SLC44A1: variants seen among roughly 807,000 people sequenced by gnomAD.
SLC44A1 encodes solute carrier family 44 member 1.
SLC44A1 carries 26 observed loss-of-function variants against 79.3 expected under a neutral mutation model. The ratio of observed to expected loss-of-function variants is 0.33; its 90% CI spans 0.24 to 0.46. SLC44A1 has a LOEUF of 0.46. Ranked by LOEUF, SLC44A1 falls within the 20% of genes least tolerant of loss-of-function variation. SLC44A1 has a pLI of 1.00. For missense variants in SLC44A1, 688 were observed against 798.1 expected, an observed-to-expected ratio of 0.86 and a Z score of 1.66; for synonymous variants, 263 against 286.2, an observed-to-expected ratio of 0.92 and a Z score of 0.82.
chr9:105,356,436 T>A (rs1827626457), intron 6 of SLC44A1, 55 bp downstream of exon 6: 1 of 1,299,854 alleles, frequency 7.7e-7, no homozygotes, highest in Non-Finnish European at 1.1e-6. Flanking sequence ...GAAGACTGTT[T>A]TGTCTTTTAG....
At chr9:105,406,926 A>G (rs1829036594) in intron 15 of SLC44A1, among the ~76,000 whole-genome samples, 1 of 152,176 alleles carries the variant, frequency 6.6e-6, no homozygotes, top group Non-Finnish European at 1.5e-5. Context: ...ATAAAAATAT[A>G]GAAATGATAA....
rs945904509 is a variant in SLC44A1, at chr9:105,389,400, T to C, written c.*344T>C. ...TAACTTAGAGGAGATTTTAACTTTA[T>C]TTAAAAATAGGTAAAATTATTGTAC... On this transcript the variant is annotated 3_prime_UTR_variant, in exon 16 of 16. Transcript: ENST00000374720. 4 of 1,048,336 alleles carry C rather than the reference T, an allele frequency of 3.8e-6. No homozygotes were observed. Among genetic ancestry groups the C allele is most frequent in the Non-Finnish European group, 4.6e-6 (4 of 868,374 alleles). 64.9% of individuals were successfully genotyped at this position (1,048,336 alleles called of 1,614,324 possible).
intron 14 of SLC44A1, 60 bp downstream of exon 14, chr9:105,383,419 G>A: frequency 1.0e-6 from 1 of 957,680 alleles, no homozygotes. Flanking sequence ...AAAATATTTT[G>A]TAAAACATTC....
intron 1 of SLC44A1, among the ~76,000 whole-genome samples, chr9:105,283,704 T>G (rs1413955797): frequency 1.3e-5 from 2 of 152,238 alleles, no homozygotes; most frequent in Admixed American, 6.5e-5. Context: ...TGGTTATTTT[T>G]TAAAAATCCA....
At chr9:105,329,207 A>G (rs1051429088) in intron 3 of SLC44A1, among the ~76,000 whole-genome samples, 1 of 152,224 alleles carries the variant, frequency 6.6e-6, no homozygotes, top group Non-Finnish European at 1.5e-5. Context: ...TATAAATTGT[A>G]AATTGATATG....
At chr9:105,360,029 C>T (rs1189295397) in intron 7 of SLC44A1, among the ~76,000 whole-genome samples, 1 of 152,202 alleles carries the variant, frequency 6.6e-6, no homozygotes, top group African/African-American at 2.4e-5. Context: ...CATTTTTTCA[C>T]TGTGACCTAC....
chr9:105,267,333 G>A (rs922346163), intron 1 of SLC44A1, among the ~76,000 whole-genome samples: 7 of 152,046 alleles, frequency 4.6e-5, no homozygotes, highest in East Asian at 1.9e-4. Context: ...ATTTTTCAGC[G>A]ATGGGCCTTC....
intron 1 of SLC44A1, among the ~76,000 whole-genome samples, chr9:105,276,576 G>GTGTA (rs1830209234): frequency 9.7e-6 from 1 of 103,064 alleles, no homozygotes; most frequent in Non-Finnish European, 1.9e-5. Context: ...GTGTGTGTGT[G>GTGTA]TGTGTGTGTG....
At chr9:105,247,052 G>A (rs1376803181) in intron 1 of SLC44A1, among the ~76,000 whole-genome samples, 5 of 151,444 alleles carry the variant, frequency 3.3e-5, no homozygotes, top group Non-Finnish European at 1.5e-5. Context: ...GTGTTCAGTG[G>A]AGCATTGAGG....
In SLC44A1 at chr9:105,358,514, A is replaced by G; in HGVS notation, c.760+81A>G. 4.9e-6 allele frequency: 4 copies of G among 815,054 alleles called. No individual in the cohort carries two copies. The East Asian group carries it at 1.0e-4, about 21-fold the overall frequency. The allele number at this position is 815,054 out of a possible 1,614,324, so 50.5% of individuals were successfully genotyped here. A position where few individuals can be genotyped will look rare whatever the true frequency, so the allele number is the denominator to read the frequency against. On this transcript the variant is annotated intron_variant, in intron 7 of 15. Coordinates refer to ENST00000374720, the MANE Select transcript of SLC44A1 (RefSeq NM_080546.5). ...AATAGAAATATAAAGAAGAAAATAAATTATATTTTCACAAGCTATATCCTC... is the reference window on the plus strand; with the variant it reads ...AATAGAAATATAAAGAAGAAAATAAGTTATATTTTCACAAGCTATATCCTC...
At chr9:105,338,614 G>A (rs7871855) in intron 4 of SLC44A1, among the ~76,000 whole-genome samples, 14,846 of 152,052 alleles carry the variant, frequency 0.098, 1,846 homozygotes, top group African/African-American at 0.29. Flanking sequence ...AGGTATTGCT[G>A]TGTTGTCTAG....
intron 5 of SLC44A1, chr9:105,355,992 A>G: frequency 1.9e-6 from 1 of 537,688 alleles, no homozygotes; most frequent in Non-Finnish European, 3.3e-6. Context: ...CTGTTGGAAC[A>G]TGCACTCCAC....
chr9:105,319,392 G>A (rs985003611), intron 3 of SLC44A1, among the ~76,000 whole-genome samples: 1 of 152,126 alleles, frequency 6.6e-6, no homozygotes, highest in Admixed American at 6.6e-5. Context: ...TGGAGTACAC[G>A]GAGTCCGAGC....
At chr9:105,253,003 AT>A (rs1829625525) in intron 1 of SLC44A1, among the ~76,000 whole-genome samples, 1 of 152,204 alleles carries the variant, frequency 6.6e-6, no homozygotes, top group South Asian at 2.1e-4. Context: ...CTCCTTTGTA[AT>A]TGTATAATAT....
chr9:105,385,305 T>A, intron 14 of SLC44A1, 117 bp from the exon 15 acceptor site: 1 of 720,348 alleles, frequency 1.4e-6, no homozygotes, highest in Admixed American at 2.5e-5. Flanking sequence ...TATTGCTATG[T>A]TTTTAAGCCA....
chr9:105,406,016 C>A (rs1413744034), intron 15 of SLC44A1, among the ~76,000 whole-genome samples: 1 of 152,144 alleles, frequency 6.6e-6, no homozygotes, highest in African/African-American at 2.4e-5. Flanking sequence ...TTCTGGCTAA[C>A]CTTTCGATGC....
intron 3 of SLC44A1, among the ~76,000 whole-genome samples, chr9:105,330,243 A>C (rs182759514): frequency 6.6e-6 from 1 of 152,316 alleles, no homozygotes; most frequent in Non-Finnish European, 1.5e-5. Flanking sequence ...AGAAGATTGC[A>C]CTGATTTAAT....
chr9:105,394,933 A>G lies in SLC44A1; in HGVS notation c.*5877A>G. The G allele has an allele frequency of 1.0e-6, 1 of 985,384 alleles. No individual in the cohort carries two copies. The highest frequency in any genetic ancestry group is 4.7e-5 in the South Asian group (1 of 21,272). The allele number at this position is 985,384 out of a possible 1,614,324, so 61.0% of individuals were successfully genotyped here. On this transcript the variant is annotated 3_prime_UTR_variant, in exon 16 of 16. Coordinates refer to ENST00000374720, the MANE Select transcript of SLC44A1 (RefSeq NM_080546.5). ...CTTACCTACTCTATCTTCTTTAGGGAAGCATGTGGATTTCTTCACATCTGC... is the reference window on the plus strand; with the variant it reads ...CTTACCTACTCTATCTTCTTTAGGGGAGCATGTGGATTTCTTCACATCTGC...
intron 11 of SLC44A1, 125 bp downstream of exon 11, chr9:105,365,764 A>G: frequency 1.0e-6 from 1 of 972,558 alleles, no homozygotes. Flanking sequence ...TACAAGGCAA[A>G]ATCCAGCCCT....
Sources: gnomAD v4.1 joint callset for allele counts (sites outside exome capture counted in the v4.1 genomes callset) on GRCh38, gnomAD v4.1.1 for gene constraint, MANE v1.5 for transcripts, NCBI Gene and HGNC (gene_info 2026-07-23, HGNC 2026-07-21) for gene names.